The following CAMTA1 variants were observed in gnomAD, a reference collection of about 807,000 sequenced individuals.
CAMTA1 encodes the protein calmodulin binding transcription activator 1, also known as calmodulin-binding transcription activator 1.
In CAMTA1, 27 loss-of-function variants were observed where a neutral mutation model predicts 170.9. That is an observed-to-expected ratio of 0.16 (90% CI 0.12 to 0.22). The LOEUF is 0.22. Among genes scored for constraint, CAMTA1 ranks in the 10% least tolerant of loss-of-function variants. The probability of loss-of-function intolerance (pLI) is 1.00; values close to 1 mark genes in which losing one functional copy is unlikely to be tolerated. For synonymous variants in CAMTA1, 833 were observed against 891.5 expected, an observed-to-expected ratio of 0.93 and a Z score of 1.17; for missense variants, 1,619 against 2,217.2, an observed-to-expected ratio of 0.73 and a Z score of 5.42.
At chr1:7,493,151 A>G (rs899434545) in intron 6 of CAMTA1, among the ~76,000 whole-genome samples, 2 of 108,976 alleles carry the variant, frequency 1.8e-5, no homozygotes, top group African/African-American at 9.1e-5. Flanking sequence ...TGAGCACACA[A>G]CACAAACCTA....
In CAMTA1 at chr1:7,602,080, TTTCCTTCCTTCCTTCC is replaced by T. The variant is rs757245897; in HGVS notation, c.511-38270_511-38255del. The stretch of plus-strand genomic sequence containing the variant: ...GAGAGGAGGAGCCTTTCCAATTTTC[TTTCCTTCCTTCCTTCC>T]TTCCTTCCTTCCTTCCTTCCTTCCT... On this transcript the variant is annotated intron_variant, in intron 6 of 22. Coordinates refer to ENST00000303635, the MANE Select transcript of CAMTA1 (RefSeq NM_015215.4). Among the ~76,000 whole-genome samples the T allele has an allele frequency of 9.2e-3, 652 of 71,054 alleles. 14 individuals are homozygous for T. Among genetic ancestry groups the T allele is most frequent in the African/African-American group, 0.027 (464 of 17,246 alleles). 46.6% of individuals were successfully genotyped at this position (71,054 alleles called of 152,430 possible).
chr1:7,385,386 A>G (rs1315718480), intron 5 of CAMTA1, among the ~76,000 whole-genome samples: 2 of 152,192 alleles, frequency 1.3e-5, no homozygotes, highest in East Asian at 3.9e-4. Flanking sequence ...AGCTGCTTAG[A>G]CATTTGCTTT....
intron 4 of CAMTA1, among the ~76,000 whole-genome samples, chr1:7,171,388 C>T (rs1323548453): frequency 6.6e-6 from 1 of 152,190 alleles, no homozygotes; most frequent in Non-Finnish European, 1.5e-5. Context: ...CCCTTGTTCA[C>T]CTGGTGAACT....
At chr1:7,560,422 G>A (rs1487416780) in intron 6 of CAMTA1, among the ~76,000 whole-genome samples, 4 of 152,220 alleles carry the variant, frequency 2.6e-5, no homozygotes, top group Non-Finnish European at 4.4e-5. Context: ...GCTGGGAGCT[G>A]GAGCCGGGAA....
At chr1:7,372,664 G>A (rs541468837) in intron 5 of CAMTA1, among the ~76,000 whole-genome samples, 4 of 152,300 alleles carry the variant, frequency 2.6e-5, no homozygotes, top group Admixed American at 2.0e-4. Context: ...CCGTGCCAGC[G>A]CTGCCATGAG....
rs12090559 is a variant in CAMTA1 at position 7,625,900 on chromosome 1, G to A, written c.511-14500G>A. Reference sequence around the variant, plus strand: ...AGCAGGTCCCGTTATTACCCGAGGAGGCTTACAGGTTATCAGCGAGCTCCA... The same window carrying A: ...AGCAGGTCCCGTTATTACCCGAGGAAGCTTACAGGTTATCAGCGAGCTCCA... On this transcript the variant is annotated intron_variant, in intron 6 of 22. Transcript: ENST00000303635. 4.6e-3 allele frequency among the ~76,000 whole-genome samples: 707 copies of A among 152,334 alleles called. 4 individuals carry two copies. Among genetic ancestry groups the A allele is most frequent in the African/African-American group, 0.016 (660 of 41,582 alleles).
chr1:7,672,193 T>C (rs879902256), intron 10 of CAMTA1: 2 of 399,804 alleles, frequency 5.0e-6, no homozygotes, highest in Non-Finnish European at 1.0e-5. Context: ...ATGCTCAGTG[T>C]AGAAGACTGG....
chr1:6,989,941 G>A (rs1476191128), intron 3 of CAMTA1, among the ~76,000 whole-genome samples: 5 of 152,130 alleles, frequency 3.3e-5, no homozygotes, highest in African/African-American at 2.4e-5. Context: ...TGGGGGAGTG[G>A]GGCAGCAACA....
Position 7,565,279 on chromosome 1 carries a change from G to A in CAMTA1, c.511-75121G>A, listed in dbSNP as rs544988098. On this transcript the variant is annotated intron_variant, in intron 6 of 22. Coordinates refer to ENST00000303635, the MANE Select transcript of CAMTA1 (RefSeq NM_015215.4). This position sits in a 1 kb window ranked among gnomAD's most constrained non-coding sequence, Gnocchi z 4.5. ...GCCATAAAGGGCTGGAGAAGTGGGC[G>A]CTGCCTTTGGGGCCCACGGGCCTAT... Among the ~76,000 whole-genome samples, 9 of 152,296 alleles carry A rather than the reference G, an allele frequency of 5.9e-5. No individual in the cohort carries two copies. The South Asian group carries it at 8.3e-4, about 14-fold the overall frequency.
intron 4 of CAMTA1, among the ~76,000 whole-genome samples, chr1:7,243,816 G>T (rs1665306668): frequency 6.6e-6 from 1 of 152,114 alleles, no homozygotes; most frequent in African/African-American, 2.4e-5. Context: ...AAATTTTTCA[G>T]GACATAGGAA....
intron 3 of CAMTA1, among the ~76,000 whole-genome samples, chr1:6,837,024 G>A (rs563929520): frequency 1.3e-5 from 2 of 149,672 alleles, no homozygotes; most frequent in South Asian, 4.2e-4. Flanking sequence ...TGCAATCTCC[G>A]CTCACTGCAA....
At chr1:6,799,037 CTATTTATTTAT>C (rs1187424626) in intron 1 of CAMTA1, among the ~76,000 whole-genome samples, 2 of 152,178 alleles carry the variant, frequency 1.3e-5, no homozygotes, top group African/African-American at 4.8e-5. Context: ...TTCCTTTTTA[CTATTTATTTAT>C]TATTTATTTA....
rs577741547 is a variant in CAMTA1 at position 7,544,335 on chromosome 1, A to C, written c.510+76434A>C. Among the ~76,000 whole-genome samples the C allele has an allele frequency of 2.0e-5, 3 of 152,368 alleles. No individual in the cohort carries two copies. The South Asian group carries it at 6.2e-4, about 32-fold the overall frequency. ...CCCATGATTCAAATTATCTCCCGCC[A>C]GGTCCCTCCCACAACATGTGGGAAT... On this transcript the variant is annotated intron_variant, in intron 6 of 22. Transcript: ENST00000303635.
intron 3 of CAMTA1, among the ~76,000 whole-genome samples, chr1:7,068,038 C>T (rs897741497): frequency 1.2e-4 from 19 of 152,118 alleles, no homozygotes; most frequent in African/African-American, 3.6e-4. Context: ...ATGGTTGAGC[C>T]GAGAGAAGGA....
intron 3 of CAMTA1, among the ~76,000 whole-genome samples, chr1:7,018,578 C>A (rs556956016): frequency 4.6e-5 from 7 of 152,270 alleles, no homozygotes; most frequent in African/African-American, 1.4e-4. Context: ...TTTACACTGC[C>A]AATTATACTA....
chr1:7,244,634 C>T (rs1011116717), intron 4 of CAMTA1, among the ~76,000 whole-genome samples: 4 of 152,064 alleles, frequency 2.6e-5, no homozygotes, highest in East Asian at 1.9e-4. Flanking sequence ...AGCAAACTAT[C>T]GCAAGGACAA....
intron 6 of CAMTA1, among the ~76,000 whole-genome samples, chr1:7,548,454 G>A (rs1017772759): frequency 2.0e-5 from 3 of 151,012 alleles, no homozygotes; most frequent in African/African-American, 4.9e-5. Context: ...GCTGGTGGAG[G>A]GTGCCCCCTT....
At chr1:7,567,230 C>T (rs2095054382) in intron 6 of CAMTA1, among the ~76,000 whole-genome samples, 1 of 152,218 alleles carries the variant, frequency 6.6e-6, no homozygotes, top group South Asian at 2.1e-4. Context: ...GAAGGCCACT[C>T]ACCATGGAAG....
chr1:7,679,726 C>T (rs752079384), intron 11 of CAMTA1, among the ~76,000 whole-genome samples: 1 of 152,218 alleles, frequency 6.6e-6, no homozygotes, highest in Non-Finnish European at 1.5e-5. Flanking sequence ...CCTCTGTTAC[C>T]ACCAGCCAGG....
Sources: gnomAD v4.1 joint callset for allele counts (sites outside exome capture counted in the v4.1 genomes callset) on GRCh38, gnomAD v4.1.1 for gene constraint, Gnocchi (gnomAD v3.1) non-coding constraint, MANE v1.5 for transcripts, NCBI Gene and HGNC (gene_info 2026-07-23, HGNC 2026-07-21) for gene names.